Variants in AGAP1 observed in about 807,000 individuals in gnomAD.
AGAP1 encodes ArfGAP with GTPase domain, ankyrin repeat and PH domain 1, also known as arf-GAP with GTPase, ANK repeat and PH domain-containing protein 1.
In AGAP1, 29 loss-of-function variants were observed where a neutral mutation model predicts 105.3. That is an observed-to-expected ratio of 0.28 (90% confidence interval 0.21 to 0.38). The LOEUF (loss-of-function observed/expected upper bound fraction) is 0.38. Ranked by LOEUF, AGAP1 falls within the 10% of genes least tolerant of loss-of-function variation. The pLI is 1.00. For missense variants in AGAP1, 998 were observed against 1,165.1 expected, an observed-to-expected ratio of 0.86 and a Z score of 2.09; for synonymous variants, 509 against 485.9, an observed-to-expected ratio of 1.05 and a Z score of -0.63.
intron 1 of AGAP1, among the ~76,000 whole-genome samples, chr2:235,528,230 C>T (rs898918426): frequency 4.6e-5 from 7 of 151,528 alleles, no homozygotes; most frequent in Admixed American, 3.3e-4. Context: ...CAGGACTTTG[C>T]ATCTGAGGGG....
intron 13 of AGAP1, among the ~76,000 whole-genome samples, chr2:236,025,881 G>A (rs931452033): frequency 1.6e-4 from 16 of 101,660 alleles, no homozygotes; most frequent in African/African-American, 5.7e-4. Flanking sequence ...CAGCCTGAGC[G>A]ACAGAGGGAG....
chr2:236,007,185 C>A (rs149992499), intron 13 of AGAP1, among the ~76,000 whole-genome samples: 1 of 152,154 alleles, frequency 6.6e-6, no homozygotes, highest in African/African-American at 2.4e-5. Context: ...TGAATAAATG[C>A]CATGTATCTT....
In AGAP1 at chr2:235,622,607, A is replaced by T. The variant is rs1321207653; in HGVS notation, c.164-86572A>T. Among the ~76,000 whole-genome samples the T allele has an allele frequency of 6.6e-6, 1 of 152,090 alleles. No individual in the cohort carries two copies. The highest frequency in any genetic ancestry group is 1.5e-5 in the Non-Finnish European group (1 of 68,022). ...TAAGTCAACTTTGACGCTTCAGCCA[A>T]CGTCGGTTTTGAGAATGCGACCTAT... On this transcript the variant is annotated intron_variant, in intron 1 of 17. Transcript: ENST00000304032. The surrounding 1 kb of genome is among the most constrained non-coding windows in gnomAD (Gnocchi z 5.0).
intron 16 of AGAP1, among the ~76,000 whole-genome samples, chr2:236,094,947 AAATT>A (rs1184936030): frequency 1.3e-5 from 2 of 150,322 alleles, no homozygotes; most frequent in African/African-American, 2.5e-5. Flanking sequence ...AAAAAAAAAA[AAATT>A]AGCCTGGTGC....
intron 1 of AGAP1, among the ~76,000 whole-genome samples, chr2:235,640,302 A>G (rs902185025): frequency 1.3e-5 from 2 of 152,222 alleles, no homozygotes; most frequent in Non-Finnish European, 2.9e-5. Context: ...GTTAAAAGAG[A>G]AAATGATCTC....
intron 13 of AGAP1, among the ~76,000 whole-genome samples, chr2:235,997,925 G>A (rs994372619): frequency 6.6e-6 from 1 of 152,086 alleles, no homozygotes; most frequent in South Asian, 2.1e-4. Flanking sequence ...CTCGGAGGCT[G>A]GTGTTACACA....
At chr2:235,778,906 A>G (rs1422292000) in intron 6 of AGAP1, among the ~76,000 whole-genome samples, 2 of 152,196 alleles carry the variant, frequency 1.3e-5, no homozygotes, top group African/African-American at 4.8e-5. Context: ...GGCAGTCCTC[A>G]CTGCAGGAGG....
chr2:236,074,136 C>T (rs1363246893), intron 16 of AGAP1, among the ~76,000 whole-genome samples: 1 of 152,144 alleles, frequency 6.6e-6, no homozygotes, highest in African/African-American at 2.4e-5. Flanking sequence ...TACCAGCTGA[C>T]TCTGAGGAGC....
At chr2:235,649,745 A>G (rs1947519838) in intron 1 of AGAP1, among the ~76,000 whole-genome samples, 1 of 152,200 alleles carries the variant, frequency 6.6e-6, no homozygotes, top group South Asian at 2.1e-4. Context: ...CCTGAGGAGC[A>G]CTACGCTGTA....
At chr2:235,585,797 C>T (rs1214968518) in intron 1 of AGAP1, among the ~76,000 whole-genome samples, 2 of 152,174 alleles carry the variant, frequency 1.3e-5, no homozygotes, top group Admixed American at 1.3e-4. Flanking sequence ...CCACCACCGT[C>T]TTACCTTCTG....
In AGAP1 at chr2:235,524,927, A is replaced by G. The variant is rs1354328841; in HGVS notation, c.163+30078A>G. 2.6e-5 allele frequency among the ~76,000 whole-genome samples: 4 copies of G among 152,350 alleles called. 1 individual carries two copies. Among genetic ancestry groups the G allele is most frequent in the African/African-American group, 9.6e-5 (4 of 41,582 alleles). Reference sequence around the variant, plus strand: ...ATTCTTTGTGCAGATTCTAGGTAAAATGTCTCTGTTGCAAAATAGGATTTT... The same window carrying G: ...ATTCTTTGTGCAGATTCTAGGTAAAGTGTCTCTGTTGCAAAATAGGATTTT... On this transcript the variant is annotated intron_variant, in intron 1 of 17. Coordinates refer to ENST00000304032, the MANE Select transcript of AGAP1 (RefSeq NM_001037131.3).
Position 235,866,345 on chromosome 2 carries a change from C to T in AGAP1, c.1051-17000C>T, listed in dbSNP as rs907526260. Among the ~76,000 whole-genome samples, 1 of 152,098 alleles carries T rather than the reference C, an allele frequency of 6.6e-6. No individual in the cohort carries two copies. The highest frequency in any genetic ancestry group is 1.5e-5 in the Non-Finnish European group (1 of 68,020). ...AGAATTCCCACCGAGGGAGACAATC[C>T]GTGTGTGTGATCGGGGTGTTCTGGA... On this transcript the variant is annotated intron_variant, in intron 9 of 17. Coordinates refer to ENST00000304032, the MANE Select transcript of AGAP1 (RefSeq NM_001037131.3). This position sits in a 1 kb window ranked among gnomAD's most constrained non-coding sequence, Gnocchi z 6.1.
intron 1 of AGAP1, among the ~76,000 whole-genome samples, chr2:235,588,682 A>G (rs138245644): frequency 9.2e-5 from 14 of 152,320 alleles, no homozygotes; most frequent in African/African-American, 3.4e-4. Context: ...ACGGAGTAAC[A>G]CAAATGGTTA....
chr2:235,910,487 T>C (rs2125052244), intron 11 of AGAP1, among the ~76,000 whole-genome samples: 1 of 152,318 alleles, frequency 6.6e-6, no homozygotes, highest in Middle Eastern at 3.4e-3. Flanking sequence ...GAGATTTTTC[T>C]TATTAGAGCG....
At chr2:235,978,537 G>T (rs1258859053) in intron 13 of AGAP1, among the ~76,000 whole-genome samples, 2 of 152,204 alleles carry the variant, frequency 1.3e-5, no homozygotes, top group African/African-American at 4.8e-5. Context: ...TGGCATTTCT[G>T]TTGTCACAAA....
In AGAP1 at chr2:235,905,079, C is replaced by T. The variant is rs1191707138; in HGVS notation, c.1156-3659C>T. On this transcript the variant is annotated intron_variant, in intron 10 of 17. Coordinates refer to ENST00000304032, the MANE Select transcript of AGAP1 (RefSeq NM_001037131.3). This position sits in a 1 kb window ranked among gnomAD's most constrained non-coding sequence, Gnocchi z 4.2. ...GCTAAAGATAAATGGGTTCCCTTGC[C>T]GCTTTCGAATCTGGAGAGCAGACAC... Among the ~76,000 whole-genome samples, 3 of 151,994 alleles carry T rather than the reference C, an allele frequency of 2.0e-5. No individual in the cohort carries two copies. Among genetic ancestry groups the T allele is most frequent in the South Asian group, 2.1e-4 (1 of 4,822 alleles).
At position 235,842,498 on chromosome 2, in the gene AGAP1, G is replaced by A. The variant is rs568182036; in HGVS notation, c.1050+35167G>A. On this transcript the variant is annotated intron_variant, in intron 9 of 17. Coordinates refer to ENST00000304032, the MANE Select transcript of AGAP1 (RefSeq NM_001037131.3). The surrounding 1 kb of genome is among the most constrained non-coding windows in gnomAD (Gnocchi z 5.3). ...TGGGTCTCAGTGCATTAATAAAGCA[G>A]TGTGCTTATTACCCAGCCACAGGCG... is the stretch of plus-strand genomic sequence containing the variant. Among the ~76,000 whole-genome samples the A allele has an allele frequency of 1.1e-4, 16 of 152,180 alleles. No homozygotes were observed. The highest frequency in any genetic ancestry group is 1.9e-4 in the Non-Finnish European group (13 of 68,034).
At position 235,550,383 on chromosome 2, in the gene AGAP1, T is replaced by C. The variant is rs957701794; in HGVS notation, c.163+55534T>C. 3.9e-5 allele frequency among the ~76,000 whole-genome samples: 6 copies of C among 152,348 alleles called. No homozygotes were observed. The highest frequency in any genetic ancestry group is 1.3e-4 in the Admixed American group (2 of 15,306). ...TCATAAAATCACTGCCAGTGACTTCTCATAGCTGTTCGTCATTGGGAGTCA... is the reference window on the plus strand; with the variant it reads ...TCATAAAATCACTGCCAGTGACTTCCCATAGCTGTTCGTCATTGGGAGTCA... On this transcript the variant is annotated intron_variant, in intron 1 of 17. Coordinates refer to ENST00000304032, the MANE Select transcript of AGAP1 (RefSeq NM_001037131.3). The surrounding 1 kb of genome is among the most constrained non-coding windows in gnomAD (Gnocchi z 4.6).
At chr2:236,017,235 G>A (rs1408797397) in intron 13 of AGAP1, among the ~76,000 whole-genome samples, 4 of 150,656 alleles carry the variant, frequency 2.7e-5, no homozygotes, top group African/African-American at 7.4e-5. Context: ...GGAGGTTGCA[G>A]TGAGCCAAGA....
Sources: gnomAD v4.1 joint callset for allele counts (sites outside exome capture counted in the v4.1 genomes callset) on GRCh38, gnomAD v4.1.1 for gene constraint, Gnocchi (gnomAD v3.1) non-coding constraint, MANE v1.5 for transcripts, NCBI Gene and HGNC (gene_info 2026-07-23, HGNC 2026-07-21) for gene names.